Variants in DGKG observed in about 807,000 individuals in gnomAD.
DGKG encodes DAG kinase gamma.
In DGKG, 78 loss-of-function variants were observed where a neutral mutation model predicts 105.3. The observed-to-expected ratio is 0.74, with a 90% CI of 0.62 to 0.89. The LOEUF is 0.89. Ranked by LOEUF, DGKG falls within the 40% of genes least tolerant of loss-of-function variation. DGKG has a pLI of 0.00. For missense variants in DGKG, 958 were observed against 1,020.1 expected, an observed-to-expected ratio of 0.94 and a Z score of 0.83; for synonymous variants, 346 against 367.1, an observed-to-expected ratio of 0.94 and a Z score of 0.66.
chr3:186,251,490 T>A (rs555741238), intron 19 of DGKG, among the ~76,000 whole-genome samples: 4 of 152,200 alleles, frequency 2.6e-5, no homozygotes, highest in Admixed American at 2.6e-4. Flanking sequence ...GGAGAAAATA[T>A]GTCTTTTGAA....
chr3:186,187,091 G>A (rs1717676153), intron 22 of DGKG, among the ~76,000 whole-genome samples: 1 of 152,190 alleles, frequency 6.6e-6, no homozygotes, highest in African/African-American at 2.4e-5. Flanking sequence ...AAACATACGG[G>A]GCCCTCTAGG....
At chr3:186,293,930 GT>G (rs3216625) in intron 5 of DGKG, among the ~76,000 whole-genome samples, 92,151 of 151,898 alleles carry the variant, frequency 0.61, 28,118 homozygotes, top group Non-Finnish European at 0.63. Context: ...CCAGGAAAAG[GT>G]TTTTTTCCCT....
chr3:186,337,564 T>C (rs1399314825), intron 1 of DGKG, among the ~76,000 whole-genome samples: 1 of 152,138 alleles, frequency 6.6e-6, no homozygotes, highest in Non-Finnish European at 1.5e-5. Flanking sequence ...AAGGACATGA[T>C]AAGGATGCAT....
intron 14 of DGKG, among the ~76,000 whole-genome samples, chr3:186,264,384 C>T (rs560497568): frequency 6.6e-6 from 1 of 152,302 alleles, no homozygotes; most frequent in East Asian, 1.9e-4. Context: ...CTGCCTCAGC[C>T]TCCCGAGTAG....
At position 186,193,933 on chromosome 3, in the gene DGKG, C is replaced by A. The variant is rs1718040786; in HGVS notation, c.1918-5554G>T. ...CTGGGCGGAACCAGGGATTTATAGC[C>A]CGGAGTGGGGCTGAAACAGAGCTCC... is the stretch of plus-strand genomic sequence containing the variant. On this transcript the variant is annotated intron_variant, in intron 21 of 24. Transcript: ENST00000265022. Among the ~76,000 whole-genome samples, 3 of 152,342 alleles carry A rather than the reference C, an allele frequency of 2.0e-5. No homozygotes were observed. The Middle Eastern group carries it at 0.01, about 518-fold the overall frequency.
chr3:186,197,210 C>T (rs930460548), intron 21 of DGKG, among the ~76,000 whole-genome samples: 12 of 152,034 alleles, frequency 7.9e-5, no homozygotes, highest in Admixed American at 3.3e-4. Context: ...GGGAAAATAG[C>T]ACTTCAGTTA....
At chr3:186,178,308 G>A (rs754423822) in intron 22 of DGKG, among the ~76,000 whole-genome samples, 1 of 152,182 alleles carries the variant, frequency 6.6e-6, no homozygotes, top group Non-Finnish European at 1.5e-5. Context: ...TGGCCAGGAC[G>A]GAGTTTTGCT....
At chr3:186,236,081 C>T (rs1212811954) in intron 20 of DGKG, among the ~76,000 whole-genome samples, 2 of 152,224 alleles carry the variant, frequency 1.3e-5, no homozygotes, top group Non-Finnish European at 1.5e-5. Context: ...GCCTCTTGGA[C>T]TTCCATGGAG....
intron 21 of DGKG, among the ~76,000 whole-genome samples, chr3:186,189,030 G>A (rs1402658223): frequency 6.6e-6 from 1 of 151,932 alleles, no homozygotes; most frequent in Non-Finnish European, 1.5e-5. Flanking sequence ...GGCCAGGATG[G>A]TCTCGATCTC....
At position 186,288,761 on chromosome 3, in the gene DGKG, C is replaced by T. The variant is rs367628591; in HGVS notation, c.493G>A (p.Val165Met). The T allele has an allele frequency of 9.9e-6, 16 of 1,614,084 alleles. No individual in the cohort carries two copies. In the African/African-American group the frequency reaches 1.7e-4, roughly 18 times the overall value. ...ESPVVYLKDV[V>M]CYLSLLETGR... The stretch of plus-strand genomic sequence containing the variant: ...GTCTCCAGCAGGGACAGGTAGCACA[C>T]AACATCCTTCAGGTATACCACTGGG... Residue 165 changes from valine (V) to methionine (M), a missense_variant, in exon 6 of 25, where the codon GTG (valine) becomes ATG (methionine). Around this residue, in one of 2 missense-constraint regions of DGKG, gnomAD observed 643 missense variants for 619.5 expected, o/e 1.04. Transcript: ENST00000265022.
intron 22 of DGKG, among the ~76,000 whole-genome samples, chr3:186,165,420 C>T (rs1267429776): frequency 2.6e-5 from 4 of 152,154 alleles, no homozygotes; most frequent in Non-Finnish European, 5.9e-5. Context: ...AAAGCTGGAC[C>T]AAGTCTCTCT....
rs147719961 is a variant in DGKG, at chr3:186,234,769, C to T, written c.1826+7735G>A. 1.6e-3 allele frequency among the ~76,000 whole-genome samples: 242 copies of T among 152,214 alleles called. 2 individuals are homozygous for T. The highest frequency in any genetic ancestry group is 5.5e-3 in the African/African-American group (229 of 41,550). On this transcript the variant is annotated intron_variant, in intron 20 of 24. Transcript: ENST00000265022. ...AGAGGTTGTGCTGTCTGTTCCCACG[C>T]GGACTAGGGACCCAGGAGGAAAATG... is the stretch of plus-strand genomic sequence containing the variant.
At position 186,188,209 on chromosome 3, in the gene DGKG, G is replaced by A. The variant is rs779153569; in HGVS notation, c.2088C>T (p.Cys696=). 7.4e-6 allele frequency: 12 copies of A among 1,614,012 alleles called. No individual in the cohort carries two copies. The highest frequency in any genetic ancestry group is 1.7e-5 in the Admixed American group (1 of 60,000). ...TCCTCATTCCTGGCTTACCTTGAAC[G>A]CAGAATTTCAGTTCTTTGGGGTCAG... ...GVTDPKELKF[C]VQDLSDQLLE... is the part of the protein sequence containing the mutation. Residue 696 remains cysteine (C), a synonymous_variant, in exon 22 of 25, where the codon TGC becomes TGT. Coordinates refer to ENST00000265022, the MANE Select transcript of DGKG (RefSeq NM_001346.3).
intron 24 of DGKG, among the ~76,000 whole-genome samples, chr3:186,157,708 A>T (rs566969777): frequency 1.3e-5 from 2 of 151,876 alleles, no homozygotes; most frequent in Admixed American, 6.6e-5. Context: ...TTGTTTTACA[A>T]TTTTTTTTCT....
At chr3:186,211,759 A>G (rs745594053) in intron 21 of DGKG, 36 bp downstream of exon 21, 1 of 1,500,720 alleles carries the variant, frequency 6.7e-7, no homozygotes, top group South Asian at 1.1e-5. Flanking sequence ...AGCAGAACCA[A>G]GATCCAGGAA....
At chr3:186,273,913 A>G (rs533898184) in intron 10 of DGKG, among the ~76,000 whole-genome samples, 126 of 152,160 alleles carry the variant, frequency 8.3e-4, no homozygotes, top group Non-Finnish European at 1.5e-3. Flanking sequence ...GGCTCTGTGC[A>G]CCCACATATT....
In DGKG at chr3:186,164,920, G is replaced by A; in HGVS notation, c.2194C>T (p.Gln732Ter). 10 of 1,613,662 alleles carry A rather than the reference G, an allele frequency of 6.2e-6. 1 individual carries two copies. The highest frequency in any genetic ancestry group is 8.5e-6 in the Non-Finnish European group (10 of 1,179,848). Residue 732 changes from glutamine to a stop codon, truncating the protein, a stop_gained, in exon 23 of 25, where the codon CAG becomes TAG. Transcript: ENST00000265022. LOFTEE classifies it high-confidence loss of function. ...TACCTGATGGTGACAGAGGCGCACT[G>A]GGCCAGCCTCCTGCCTGCACTCTTC... ...GLKSAGRRLAQCASVTIRTNK... is the reference protein window; with the variant it reads ...GLKSAGRRLA
chr3:186,297,582 T>A (rs974876435), intron 4 of DGKG, 99 bp from the exon 5 acceptor site: 1 of 825,798 alleles, frequency 1.2e-6, no homozygotes, highest in Non-Finnish European at 2.1e-6. Flanking sequence ...TTGCCTTGAT[T>A]GTGTCTGTGT....
At chr3:186,321,092 C>G (rs1198793672) in intron 1 of DGKG, among the ~76,000 whole-genome samples, 1 of 152,226 alleles carries the variant, frequency 6.6e-6, no homozygotes, top group South Asian at 2.1e-4. Flanking sequence ...TAAATTCCAC[C>G]GTGATAGCTC....
Sources: gnomAD v4.1 joint callset for allele counts (sites outside exome capture counted in the v4.1 genomes callset) on GRCh38, gnomAD v4.1.1 for gene constraint, gnomAD v4.1.1 regional missense constraint, MANE v1.5 for transcripts, NCBI Gene and HGNC (gene_info 2026-07-23, HGNC 2026-07-21) for gene names.